The following ARHGAP15 variants were observed in gnomAD, a reference collection of about 807,000 sequenced individuals.
The protein encoded by ARHGAP15 is rho GTPase-activating protein 15.
ARHGAP15 carries 51 observed loss-of-function variants against 63.7 expected under a neutral mutation model. The observed-to-expected ratio is 0.80, with a 90% CI of 0.64 to 1.01. The LOEUF is 1.01. Ranked by LOEUF, ARHGAP15 falls within the 50% of genes least tolerant of loss-of-function variation. The probability of loss-of-function intolerance (pLI) is 0.00; values close to 1 mark genes in which losing one functional copy is unlikely to be tolerated. For synonymous variants in ARHGAP15, 191 were observed against 193.8 expected (o/e 0.99, Z 0.12); for missense variants, 560 against 564.6 (o/e 0.99, Z 0.08).
intron 6 of ARHGAP15, among the ~76,000 whole-genome samples, chr2:143,275,716 G>A (rs1433381426): frequency 6.6e-6 from 1 of 152,172 alleles, no homozygotes. Flanking sequence ...CTATGATAAT[G>A]TAGTTCCCTG....
chr2:143,606,098 G>C (rs901749466), intron 11 of ARHGAP15, among the ~76,000 whole-genome samples: 1 of 135,692 alleles, frequency 7.4e-6, no homozygotes, highest in Admixed American at 7.9e-5. Context: ...TTCGCTACCT[G>C]TGTTTTGAAG....
At chr2:143,721,293 G>A (rs1044296477) in intron 13 of ARHGAP15, among the ~76,000 whole-genome samples, 2 of 152,242 alleles carry the variant, frequency 1.3e-5, no homozygotes, top group East Asian at 3.9e-4. Flanking sequence ...TTGACACCCA[G>A]AATTATCAGG....
chr2:143,462,214 G>A (rs575405991), intron 8 of ARHGAP15, among the ~76,000 whole-genome samples: 1 of 152,140 alleles, frequency 6.6e-6, no homozygotes, highest in Non-Finnish European at 1.5e-5. Flanking sequence ...AGTTGGTTGT[G>A]TAAAGTAAAT....
chr2:143,440,158 G>T (rs181528280), intron 8 of ARHGAP15, among the ~76,000 whole-genome samples: 25 of 152,094 alleles, frequency 1.6e-4, no homozygotes, highest in African/African-American at 5.5e-4. Context: ...AAGGCATAAT[G>T]ATTGACCCAC....
intron 11 of ARHGAP15, among the ~76,000 whole-genome samples, chr2:143,613,831 C>T (rs553061763): frequency 6.6e-6 from 1 of 152,266 alleles, no homozygotes; most frequent in South Asian, 2.1e-4. Flanking sequence ...TTTTTGGACA[C>T]ACCACCCCTC....
intron 9 of ARHGAP15, among the ~76,000 whole-genome samples, chr2:143,513,488 T>G (rs12328718): frequency 0.98 from 149,061 of 152,244 alleles, 73,054 homozygotes; most frequent in East Asian, 1. Context: ...GTTCTTAAAA[T>G]AGGAGTCTAT....
At chr2:143,457,104 T>C (rs1167393804) in intron 8 of ARHGAP15, among the ~76,000 whole-genome samples, 4 of 152,116 alleles carry the variant, frequency 2.6e-5, no homozygotes, top group Non-Finnish European at 5.9e-5. Flanking sequence ...CTTGTTCTAT[T>C]TAAAAGAAAA....
At chr2:143,405,380 A>T (rs374310627) in intron 6 of ARHGAP15, among the ~76,000 whole-genome samples, 7 of 151,388 alleles carry the variant, frequency 4.6e-5, no homozygotes, top group East Asian at 1.9e-4. Flanking sequence ...CTCTTATGAG[A>T]ATTCATTATT....
intron 8 of ARHGAP15, among the ~76,000 whole-genome samples, chr2:143,474,310 C>T (rs1243076959): frequency 6.6e-6 from 1 of 152,138 alleles, no homozygotes; most frequent in Non-Finnish European, 1.5e-5. Context: ...AATCACCCCC[C>T]ACCCTTGAGG....
intron 6 of ARHGAP15, among the ~76,000 whole-genome samples, chr2:143,385,282 T>A (rs562696454): frequency 6.6e-6 from 1 of 152,202 alleles, no homozygotes; most frequent in South Asian, 2.1e-4. Context: ...GAAGACAAGA[T>A]AAATAGATGG....
chr2:143,186,809 A>C (rs1157145826), intron 2 of ARHGAP15, among the ~76,000 whole-genome samples: 2 of 152,206 alleles, frequency 1.3e-5, no homozygotes, highest in Non-Finnish European at 2.9e-5. Flanking sequence ...TTTGTGGTTT[A>C]TACACAATGG....
At chr2:143,549,573 G>A (rs927630581) in intron 10 of ARHGAP15, among the ~76,000 whole-genome samples, 19 of 152,132 alleles carry the variant, frequency 1.2e-4, no homozygotes, top group African/African-American at 4.3e-4. Flanking sequence ...TTAAATAACA[G>A]GATCTAACAG....
At chr2:143,419,402 T>G (rs555204579) in intron 6 of ARHGAP15, among the ~76,000 whole-genome samples, 1 of 152,144 alleles carries the variant, frequency 6.6e-6, no homozygotes, top group East Asian at 1.9e-4. Context: ...CAATCTCTTC[T>G]AAGAAAAACA....
chr2:143,330,138 A>AAAAAAAC (rs1684477797), intron 6 of ARHGAP15, among the ~76,000 whole-genome samples: 1 of 133,006 alleles, frequency 7.5e-6, no homozygotes, highest in African/African-American at 2.7e-5. Context: ...AAAACCAAAA[A>AAAAAAAC]CAAAAAACTA....
chr2:143,494,687 G>A (rs577528840), intron 9 of ARHGAP15, among the ~76,000 whole-genome samples: 157 of 152,140 alleles, frequency 1.0e-3, no homozygotes, highest in African/African-American at 3.8e-3. Flanking sequence ...GGCAATAGTT[G>A]TCCACTCTTA....
At chr2:143,161,461 T>C (rs1004799392) in intron 2 of ARHGAP15, among the ~76,000 whole-genome samples, 1 of 152,006 alleles carries the variant, frequency 6.6e-6, no homozygotes, top group Non-Finnish European at 1.5e-5. Flanking sequence ...AAATTGCTTC[T>C]AATCCATTTT....
At chr2:143,403,961 T>C (rs1002442232) in intron 6 of ARHGAP15, among the ~76,000 whole-genome samples, 1 of 151,774 alleles carries the variant, frequency 6.6e-6, no homozygotes, top group Non-Finnish European at 1.5e-5. Flanking sequence ...GGGAGCCACA[T>C]TACTCAAGAC....
chr2:143,708,476 A>ACTCAGCCAGTTTCCCAGAGT (rs1684429245), intron 13 of ARHGAP15, among the ~76,000 whole-genome samples: 1 of 151,960 alleles, frequency 6.6e-6, no homozygotes, highest in Non-Finnish European at 1.5e-5. Context: ...TACTGTCCTG[A>ACTCAGCCAGTTTCCCAGAGT]CTCAGCCAGT....
At chr2:143,595,770 T>A (rs535904848) in intron 11 of ARHGAP15, among the ~76,000 whole-genome samples, 77 of 152,192 alleles carry the variant, frequency 5.1e-4, no homozygotes, top group Admixed American at 5.0e-3. Flanking sequence ...GAGATGCATA[T>A]TTCCCATATA....
Sources: gnomAD v4.1 joint callset for allele counts (sites outside exome capture counted in the v4.1 genomes callset) on GRCh38, gnomAD v4.1.1 for gene constraint, MANE v1.5 for transcripts, NCBI Gene and HGNC (gene_info 2026-07-23, HGNC 2026-07-21) for gene names.